The following PPRC1 variants were observed in gnomAD, a reference collection of about 807,000 sequenced individuals.
The protein encoded by PPRC1 is PPARG related coactivator 1, also known as peroxisome proliferator-activated receptor gamma coactivator-related protein 1.
PPRC1 carries 23 observed loss-of-function variants against 132.5 expected under a neutral mutation model. The ratio of observed to expected loss-of-function variants is 0.17; its 90% CI spans 0.12 to 0.25. The LOEUF (loss-of-function observed/expected upper bound fraction) is 0.25. PPRC1 is among the 10% of genes least tolerant of loss of function. The pLI, the probability that PPRC1 is intolerant of heterozygous loss-of-function variation, is 1.00. For synonymous variants in PPRC1, 872 were observed against 833.5 expected, an observed-to-expected ratio of 1.05 and a Z score of -0.80; for missense variants, 2,006 against 2,089.1, an observed-to-expected ratio of 0.96 and a Z score of 0.78.
At chr10:102,125,775 C>T in the PPRC1 span, among the ~76,000 whole-genome samples, 1 of 152,118 alleles carries the variant, frequency 6.6e-6, no homozygotes, top group Admixed American at 6.6e-5. Flanking sequence ...CCTCTGCTGA[C>T]CTTGGCCTTC....
rs773829549 is a variant in PPRC1 at position 102,138,610 on chromosome 10, C to T, written c.343-9C>T. Reference sequence around the variant, plus strand: ...TTGGTAGGACCTTCTGGTTGTTTTTCTGGAGCAGAGCAGGTTATCTCTGGA... The same window carrying T: ...TTGGTAGGACCTTCTGGTTGTTTTTTTGGAGCAGAGCAGGTTATCTCTGGA... On this transcript the variant is annotated splice_polypyrimidine_tract_variant and intron_variant, in intron 2 of 13. Coordinates refer to ENST00000278070, the MANE Select transcript of PPRC1 (RefSeq NM_015062.5). The T allele has an allele frequency of 3.0e-5, 49 of 1,613,180 alleles. No homozygotes were observed. The highest frequency in any genetic ancestry group is 4.1e-5 in the Non-Finnish European group (48 of 1,179,608).
chr10:102,120,411 G>A, the PPRC1 span: 4 of 983,886 alleles, frequency 4.1e-6, no homozygotes, highest in African/African-American at 7.0e-5. Context: ...GCGTGTCTGT[G>A]CGCTCCCGCC....
chr10:102,127,045 A>ATATATATATT, the PPRC1 span, among the ~76,000 whole-genome samples: 1 of 57,284 alleles, frequency 1.7e-5, no homozygotes. Flanking sequence ...ATATATATAT[A>ATATATATATT]TATATATATA....
Position 102,141,760 on chromosome 10 carries a change from T to G in PPRC1, c.3252T>G (p.Cys1084Trp), listed in dbSNP as rs148756204. Residue 1084 changes from cysteine (C) to tryptophan (W), a missense_variant, in exon 5 of 14, where the codon TGT becomes TGG. Cys to Trp is a radical substitution (Grantham distance 215). Transcript: ENST00000278070. ...VQSPQMKALA[C>W]VSAEGVTVEE... Reference sequence around the variant, plus strand: ...GTCCCCAGATGAAGGCTCTAGCATGTGTGTCTGCTGAAGGTGTGACTGTTG... The same window carrying G: ...GTCCCCAGATGAAGGCTCTAGCATGGGTGTCTGCTGAAGGTGTGACTGTTG... The G allele has an allele frequency of 1.2e-6, 2 of 1,613,922 alleles. No individual in the cohort carries two copies. Among genetic ancestry groups the G allele is most frequent in the South Asian group, 2.2e-5 (2 of 91,054 alleles).
chr10:102,129,673 G>C (rs1348574020), upstream of PPRC1, among the ~76,000 whole-genome samples: 2 of 151,990 alleles, frequency 1.3e-5, no homozygotes, highest in African/African-American at 4.8e-5. Context: ...GCGTGATCTT[G>C]GCTCACTGCA....
chr10:102,147,167 C>A lies in PPRC1; in HGVS notation c.4175C>A (p.Pro1392His). 1.9e-6 allele frequency: 3 copies of A among 1,614,196 alleles called. No homozygotes were observed. The highest frequency in any genetic ancestry group is 2.2e-5 in the East Asian group (1 of 44,878). ...PCRNDMNTRT[P>H]PEPSAKQRSM... The stretch of plus-strand genomic sequence containing the variant: ...CGGAATGACATGAACACTAGGACTC[C>A]CCCTGAACCCTCAGCCAAGCAGCGG... The change falls in exon 9 of 14, where the codon CCC becomes CAC. Residue 1392 changes from proline to histidine, a missense_variant. Physicochemically the swap from Pro to His is moderately conservative, Grantham distance 77 (BLOSUM62 -2). This residue lies in a region of PPRC1 where 1,914 missense variants were observed against 1,917.2 expected (regional missense o/e 1.00). Transcript: ENST00000278070.
the PPRC1 span, among the ~76,000 whole-genome samples, chr10:102,120,887 T>G: frequency 9.9e-5 from 15 of 152,270 alleles, no homozygotes; most frequent in African/African-American, 3.4e-4. Context: ...GAAAAGGGAC[T>G]GCAGACCCCC....
intron 5 of PPRC1, 104 bp downstream of exon 5, chr10:102,142,108 A>T: frequency 7.2e-7 from 1 of 1,380,716 alleles, no homozygotes; most frequent in Non-Finnish European, 9.7e-7. Flanking sequence ...ATTTCTTTGG[A>T]GGAGTTTTTT....
Position 102,139,597 on chromosome 10 carries a change from TGTG to T in PPRC1, c.1093_1095del (p.Val365del), listed in dbSNP as rs754153379. 39 of 1,613,896 alleles carry T rather than the reference TGTG, an allele frequency of 2.4e-5. 2 individuals carry two copies. The South Asian group carries it at 4.3e-4, about 18-fold the overall frequency. ...CTGGCGATGACCTGGAGATCCCAGT[TGTG>T]GTGCGACAGGTCTCTCCTGGACCCC... On this transcript the variant is annotated inframe_deletion, in exon 5 of 14. Transcript: ENST00000278070.
chr10:102,129,020 C>T (rs546406639), upstream of PPRC1, among the ~76,000 whole-genome samples: 8 of 148,898 alleles, frequency 5.4e-5, no homozygotes, highest in African/African-American at 2.0e-4. Flanking sequence ...AGCTCCGCCT[C>T]CCGGGTTCAC....
At chr10:102,134,279 T>A (rs1286301958) in intron 1 of PPRC1, among the ~76,000 whole-genome samples, 1 of 152,134 alleles carries the variant, frequency 6.6e-6, no homozygotes, top group African/African-American at 2.4e-5. Context: ...TACTTAAGGC[T>A]CTTCGGATTT....
Position 102,140,130 on chromosome 10 carries a change from A to G in PPRC1, c.1622A>G (p.Glu541Gly). 6.2e-7 allele frequency: 1 copy of G among 1,614,190 alleles called. No homozygotes were observed. Among genetic ancestry groups the G allele is most frequent in the Non-Finnish European group, 8.5e-7 (1 of 1,180,028 alleles). ...GAGAATTCTAGCCCTAAGAACTTGG[A>G]GAGAAGTGCTGGACAAAGTAGTCCT... ...ALENSSPKNLERSAGQSSPAK... is the reference protein window; with the variant it reads ...ALENSSPKNLGRSAGQSSPAK... The change falls in exon 5 of 14, where the codon GAG becomes GGG. Residue 541 changes from glutamate (E) to glycine (G), a missense_variant. Coordinates refer to ENST00000278070, the MANE Select transcript of PPRC1 (RefSeq NM_015062.5).
At chr10:102,128,060 G>T (rs1020574909), upstream of PPRC1, among the ~76,000 whole-genome samples, 1 of 152,104 alleles carries the variant, frequency 6.6e-6, no homozygotes, top group African/African-American at 2.4e-5. Context: ...CTTGACTGGT[G>T]TTGGAGAATC....
At chr10:102,142,736 G>A (rs1049484878) in intron 5 of PPRC1, among the ~76,000 whole-genome samples, 4 of 151,910 alleles carry the variant, frequency 2.6e-5, no homozygotes, top group Non-Finnish European at 5.9e-5. Flanking sequence ...TAAGAGATGA[G>A]GTCTCACTGT....
rs111905925 is a variant in PPRC1, at chr10:102,147,063, G to A, written c.4071G>A (p.Arg1357=). 18 of 1,614,144 alleles carry A rather than the reference G, an allele frequency of 1.1e-5. No individual in the cohort carries two copies. Among genetic ancestry groups the A allele is most frequent in the African/African-American group, 1.1e-4 (8 of 75,042 alleles). ...IAASREPLDH[R]TSSEQADPSA... Reference sequence around the variant, plus strand: ...CCTCCCGGGAGCCGCTTGATCACAGGACTAGCAGTGAGCAGGCAGATCCCT... The same window carrying A: ...CCTCCCGGGAGCCGCTTGATCACAGAACTAGCAGTGAGCAGGCAGATCCCT... The change falls in exon 9 of 14, where the codon AGG becomes AGA. Residue 1357 remains arginine (R), a synonymous_variant. Transcript: ENST00000278070.
At chr10:102,122,576 C>G in the PPRC1 span, among the ~76,000 whole-genome samples, 1 of 150,766 alleles carries the variant, frequency 6.6e-6, no homozygotes, top group Non-Finnish European at 1.5e-5. Flanking sequence ...ACCTCCTTCT[C>G]TCTTTTCTGT....
In PPRC1 at chr10:102,139,156, G is replaced by C; in HGVS notation, c.648G>C (p.Glu216Asp). The C allele has an allele frequency of 6.2e-7, 1 of 1,613,002 alleles. No individual in the cohort carries two copies. The highest frequency in any genetic ancestry group is 8.5e-7 in the Non-Finnish European group (1 of 1,179,230). The change falls in exon 5 of 14, where the codon GAG becomes GAC. Residue 216 changes from glutamate (E) to aspartate (D), a missense_variant. This residue lies in a region of PPRC1 where 1,914 missense variants were observed against 1,917.2 expected (regional missense o/e 1.00). Coordinates refer to ENST00000278070, the MANE Select transcript of PPRC1 (RefSeq NM_015062.5). The stretch of plus-strand genomic sequence containing the variant: ...ACTTCTCCCCACCCTCTTTCTTAGA[G>C]ACCTCTTCCCCCAAGCTTCCTAGCT... The part of the protein sequence containing the change: ...SWDFSPPSFL[E>D]TSSPKLPSWR...
At chr10:102,121,847 C>CA in the PPRC1 span, among the ~76,000 whole-genome samples, 1 of 152,148 alleles carries the variant, frequency 6.6e-6, no homozygotes, top group African/African-American at 2.4e-5. Flanking sequence ...CACTCTGGCT[C>CA]AGAGTCTGCA....
At chr10:102,144,403 C>T (rs759755206) in intron 7 of PPRC1, 96 bp downstream of exon 7, 159 of 1,187,974 alleles carry the variant, frequency 1.3e-4, no homozygotes, top group East Asian at 3.6e-4. Context: ...GTTGCAGGGA[C>T]GCTGTAGTCA....
Sources: allele counts gnomAD v4.1 joint callset (sites outside exome capture counted in the v4.1 genomes callset), GRCh38; gene constraint gnomAD v4.1.1; regional missense constraint gnomAD v4.1.1; transcripts MANE v1.5; gene names NCBI Gene and HGNC (gene_info 2026-07-23, HGNC 2026-07-21).